The following EPHA6 variants were observed in gnomAD, a reference collection of about 807,000 sequenced individuals.
EPHA6 encodes the protein EPH receptor A6.
EPHA6 carries 50 observed loss-of-function variants against 112.0 expected under a neutral mutation model. The observed-to-expected ratio is 0.45, with a 90% confidence interval of 0.36 to 0.56. The LOEUF (loss-of-function observed/expected upper bound fraction) is 0.56, where lower values mean the gene tolerates loss of function less well. Among genes scored for constraint, EPHA6 ranks in the 20% least tolerant of loss-of-function variants. The pLI is 0.00. For synonymous variants in EPHA6, 529 were observed against 490.7 expected, an observed-to-expected ratio of 1.08 and a Z score of -1.03; for missense variants, 1,280 against 1,417.4, an observed-to-expected ratio of 0.90 and a Z score of 1.56.
At chr3:97,118,295 T>C (rs1295138822) in intron 3 of EPHA6, among the ~76,000 whole-genome samples, 2 of 151,810 alleles carry the variant, frequency 1.3e-5, no homozygotes. Context: ...GTCTTTTTTT[T>C]TTCATACTTT....
intron 10 of EPHA6, among the ~76,000 whole-genome samples, chr3:97,498,782 T>C (rs948098115): frequency 2.6e-5 from 4 of 152,138 alleles, no homozygotes; most frequent in African/African-American, 7.2e-5. Flanking sequence ...GGGACCTAGG[T>C]TGCGTGCTCC....
chr3:97,180,050 C>T (rs2076946111), intron 3 of EPHA6, among the ~76,000 whole-genome samples: 1 of 152,082 alleles, frequency 6.6e-6, no homozygotes, highest in Non-Finnish European at 1.5e-5. Flanking sequence ...AGCCAAAAAC[C>T]TAAGAAGTCT....
intron 3 of EPHA6, among the ~76,000 whole-genome samples, chr3:97,179,644 A>T (rs1372578699): frequency 6.6e-6 from 1 of 151,760 alleles, no homozygotes; most frequent in Admixed American, 6.6e-5. Flanking sequence ...GATCTTGGAC[A>T]AGGTCCAGGA....
At position 97,187,680 on chromosome 3, in the gene EPHA6, A is replaced by AGAAG. The variant is rs1197823309; in HGVS notation, c.1115-38581_1115-38580insGGAA. Among the ~76,000 whole-genome samples, 595 of 129,744 alleles carry AGAAG rather than the reference A, an allele frequency of 4.6e-3. 5 individuals carry two copies. Among genetic ancestry groups the AGAAG allele is most frequent in the African/African-American group, 0.016 (535 of 33,190 alleles). 85.1% of individuals were successfully genotyped at this position (129,744 alleles called of 152,430 possible). A position where few individuals can be genotyped will look rare whatever the true frequency, so the allele number is the denominator to read the frequency against. On this transcript the variant is annotated intron_variant, in intron 3 of 17. Transcript: ENST00000389672. ...AAAGAAAGGAAAGAAAGAAAGAGAAAGAAAGAAGGAAAGAAAGAAAGAAAG... is the reference window on the plus strand; with the variant it reads ...AAAGAAAGGAAAGAAAGAAAGAGAAAGAAGGAAAGAAGGAAAGAAAGAAAGAAAG...
rs1004246272 is a variant in EPHA6, at chr3:97,752,627, A to G, written c.*3926A>G. Among the ~76,000 whole-genome samples, 4 of 152,076 alleles carry G rather than the reference A, an allele frequency of 2.6e-5. No homozygotes were observed. Among genetic ancestry groups the G allele is most frequent in the Admixed American group, 2.6e-4 (4 of 15,274 alleles). ...GGGGCAGGGGGATGTTGCAAAAGCT[A>G]TAATATTTTGGGTTCTATCACATAA... On this transcript the variant is annotated 3_prime_UTR_variant, in exon 18 of 18. Coordinates refer to ENST00000389672, the MANE Select transcript of EPHA6 (RefSeq NM_001080448.3).
rs867311632 is a variant in EPHA6, at chr3:97,008,850, C to T, written c.1114+20857C>T. ...ATGATGCTGTTGTTGTCCCTTTCTG[C>T]TTGTTTGGTTTTCTTTCAATAGTCA... On this transcript the variant is annotated intron_variant, in intron 3 of 17. Coordinates refer to ENST00000389672, the MANE Select transcript of EPHA6 (RefSeq NM_001080448.3). Among the ~76,000 whole-genome samples the T allele has an allele frequency of 3.3e-5, 5 of 151,896 alleles. No individual in the cohort carries two copies. In the South Asian group the frequency reaches 8.3e-4, roughly 25 times the overall value.
intron 3 of EPHA6, among the ~76,000 whole-genome samples, chr3:97,031,786 G>A (rs1488683142): frequency 6.6e-6 from 1 of 152,102 alleles, no homozygotes; most frequent in Non-Finnish European, 1.5e-5. Context: ...TCATTAAAAA[G>A]TCAGGAAACA....
At chr3:96,997,391 C>A (rs1422666113) in intron 3 of EPHA6, among the ~76,000 whole-genome samples, 1 of 151,996 alleles carries the variant, frequency 6.6e-6, no homozygotes, top group Admixed American at 6.6e-5. Flanking sequence ...CAAGGCCTTC[C>A]TCACTAAGTT....
At chr3:97,454,990 T>C (rs767807263) in intron 7 of EPHA6, among the ~76,000 whole-genome samples, 43 of 152,074 alleles carry the variant, frequency 2.8e-4, no homozygotes, top group Non-Finnish European at 5.2e-4. Flanking sequence ...CTCCAGTCAA[T>C]AGCACACTTT....
chr3:97,662,318 C>A (rs1290530857), intron 14 of EPHA6, among the ~76,000 whole-genome samples: 2 of 152,052 alleles, frequency 1.3e-5, no homozygotes, highest in Non-Finnish European at 2.9e-5. Flanking sequence ...CGTTTTAAAA[C>A]AATATGCAGA....
chr3:96,949,200 GT>G (rs200214161), intron 2 of EPHA6, among the ~76,000 whole-genome samples: 2 of 151,874 alleles, frequency 1.3e-5, no homozygotes, highest in African/African-American at 2.4e-5. Context: ...AAAATTGTAA[GT>G]TTTTTTTCAC....
intron 14 of EPHA6, among the ~76,000 whole-genome samples, chr3:97,639,323 C>T (rs2093981000): frequency 6.6e-6 from 1 of 151,818 alleles, no homozygotes; most frequent in African/African-American, 2.4e-5. Context: ...TGGAAAATAT[C>T]ATAATTATTT....
chr3:97,439,582 A>G (rs2090030589), intron 6 of EPHA6: 3 of 1,000,410 alleles, frequency 3.0e-6, no homozygotes, highest in Non-Finnish European at 3.6e-6. Context: ...ACTACTATTT[A>G]ATGTTGTCAC....
intron 13 of EPHA6, among the ~76,000 whole-genome samples, chr3:97,612,197 C>T (rs960301789): frequency 1.3e-5 from 2 of 151,900 alleles, no homozygotes; most frequent in Non-Finnish European, 2.9e-5. Context: ...TTTACAGGAC[C>T]ACCTATGGTA....
At chr3:97,489,514 T>C (rs1422059194) in intron 10 of EPHA6, among the ~76,000 whole-genome samples, 2 of 152,006 alleles carry the variant, frequency 1.3e-5, no homozygotes, top group African/African-American at 4.8e-5. Flanking sequence ...TGAAACCCTG[T>C]CTCTACTAAA....
At chr3:97,497,171 A>G (rs1304449680) in intron 10 of EPHA6, among the ~76,000 whole-genome samples, 1 of 152,128 alleles carries the variant, frequency 6.6e-6, no homozygotes, top group African/African-American at 2.4e-5. Context: ...AAACCTGCCA[A>G]TCATGATCTG....
chr3:97,063,492 G>A (rs2046087836), intron 3 of EPHA6, among the ~76,000 whole-genome samples: 2 of 152,136 alleles, frequency 1.3e-5, no homozygotes, highest in Admixed American at 6.6e-5. Context: ...ATAAGTGGGA[G>A]CTGAACAATG....
rs2036003142 is a variant in EPHA6 at position 97,755,423 on chromosome 3, T to C, written c.*6722T>C. 1.3e-5 allele frequency among the ~76,000 whole-genome samples: 2 copies of C among 152,264 alleles called. No individual in the cohort carries two copies. Among genetic ancestry groups the C allele is most frequent in the South Asian group, 4.1e-4 (2 of 4,826 alleles). On this transcript the variant is annotated 3_prime_UTR_variant, in exon 18 of 18. Coordinates refer to ENST00000389672, the MANE Select transcript of EPHA6 (RefSeq NM_001080448.3). Reference sequence around the variant, plus strand: ...CCATTTTTAATTTGTCATAATAAACTCATTTCTGGTTAGATAATAAGTTAT... The same window carrying C: ...CCATTTTTAATTTGTCATAATAAACCCATTTCTGGTTAGATAATAAGTTAT...
intron 7 of EPHA6, among the ~76,000 whole-genome samples, chr3:97,452,524 G>A (rs2090561450): frequency 6.6e-6 from 1 of 151,732 alleles, no homozygotes; most frequent in Non-Finnish European, 1.5e-5. Context: ...TTTATTGAGT[G>A]CCTACTGTGT....
Sources: allele counts gnomAD v4.1 joint callset (sites outside exome capture counted in the v4.1 genomes callset), GRCh38; gene constraint gnomAD v4.1.1; transcripts MANE v1.5; gene names NCBI Gene and HGNC (gene_info 2026-07-23, HGNC 2026-07-21).